The following RUFY3 variants were observed in gnomAD, a reference collection of about 807,000 sequenced individuals.
RUFY3 encodes the protein RUN and FYVE domain containing 3.
Under a neutral mutation model 84.0 loss-of-function variants are expected in RUFY3, and 34 were observed. The ratio of observed to expected loss-of-function variants is 0.40; its 90% CI spans 0.31 to 0.54. The LOEUF (loss-of-function observed/expected upper bound fraction) is 0.54, where lower values mean the gene tolerates loss of function less well. Among genes scored for constraint, RUFY3 ranks in the 20% least tolerant of loss-of-function variants. The pLI, the probability that RUFY3 is intolerant of heterozygous loss-of-function variation, is 0.39. For missense variants in RUFY3, 507 were observed against 736.8 expected, an observed-to-expected ratio of 0.69 and a Z score of 3.61; for synonymous variants, 242 against 252.9, an observed-to-expected ratio of 0.96 and a Z score of 0.41.
chr4:70,792,143 C>T (rs73827005), intron 12 of RUFY3: 19,207 of 984,438 alleles, frequency 0.02, 232 homozygotes, highest in Middle Eastern at 0.05. Flanking sequence ...AAAAATGATG[C>T]AGTACCCATT....
chr4:70,774,631 AAAAAAAAAAAAAAATATAT>A (rs1395545405), intron 6 of RUFY3, among the ~76,000 whole-genome samples: 2 of 122,338 alleles, frequency 1.6e-5, no homozygotes, highest in African/African-American at 7.3e-5. Context: ...AAAAAAAAAA[AAAAAAAAAAAAAAATATAT>A]ATATATATAT....
At chr4:70,802,810 T>C in intron 15 of RUFY3, 146 bp from the exon 16 acceptor site, 1 of 514,876 alleles carries the variant, frequency 1.9e-6, no homozygotes, top group Non-Finnish European at 3.4e-6. Context: ...TCAAAATTAA[T>C]AATTATGTTG....
At chr4:70,761,223 A>G (rs1724984019) in intron 1 of RUFY3, among the ~76,000 whole-genome samples, 2 of 152,214 alleles carry the variant, frequency 1.3e-5, no homozygotes, top group South Asian at 2.1e-4. Flanking sequence ...CTTTCACGTC[A>G]GATCCAGGTC....
intron 5 of RUFY3, among the ~76,000 whole-genome samples, chr4:70,772,735 A>C (rs1727177276): frequency 6.6e-6 from 1 of 151,778 alleles, no homozygotes; most frequent in Admixed American, 6.6e-5. Context: ...ATCCTGGCTT[A>C]CCGCAACCTC....
intron 1 of RUFY3, among the ~76,000 whole-genome samples, chr4:70,731,447 A>G (rs1455385764): frequency 6.6e-6 from 1 of 152,232 alleles, no homozygotes; most frequent in Admixed American, 6.5e-5. Context: ...ATAATCGTGC[A>G]TATACTACCA....
In RUFY3 at chr4:70,775,186, A is replaced by C. The variant is rs140646883; in HGVS notation, c.777A>C (p.Ala259=). The change falls in exon 7 of 18, where the codon GCA becomes GCC. Residue 259 remains alanine, a synonymous_variant. Transcript: ENST00000381006. ...KGTEGDGQIT[A]ILDQKNYVEE... ...CCCCCAGAGACGGTCAGATTACTGC[A>C]ATTCTGGACCAGAAGAACTATGTAG... is the stretch of plus-strand genomic sequence containing the variant. 128 of 1,601,562 alleles carry C rather than the reference A, an allele frequency of 8.0e-5. No individual in the cohort carries two copies. The highest frequency in any genetic ancestry group is 9.0e-5 in the Non-Finnish European group (105 of 1,171,852).
In RUFY3 at chr4:70,802,416, C is replaced by T. The variant is rs576979585; in HGVS notation, c.1623-540C>T. On this transcript the variant is annotated intron_variant, in intron 15 of 17. Transcript: ENST00000381006. Reference sequence around the variant, plus strand: ...TAGGCTCTAGTCCATGCTGGAACATCGGAGTTAGCTCAGCTTAGTCCCTCA... The same window carrying T: ...TAGGCTCTAGTCCATGCTGGAACATTGGAGTTAGCTCAGCTTAGTCCCTCA... Among the ~76,000 whole-genome samples, 107 of 152,324 alleles carry T rather than the reference C, an allele frequency of 7.0e-4. 1 individual carries two copies. The highest frequency in any genetic ancestry group is 1.4e-3 in the South Asian group (7 of 4,830).
intron 1 of RUFY3, among the ~76,000 whole-genome samples, chr4:70,730,174 CG>C (rs1719010420): frequency 6.6e-6 from 1 of 151,866 alleles, no homozygotes; most frequent in East Asian, 1.9e-4. Flanking sequence ...GAACCTGCCT[CG>C]GCCTCCCAAA....
intron 1 of RUFY3, among the ~76,000 whole-genome samples, chr4:70,723,754 G>A (rs1362744797): frequency 2.0e-5 from 3 of 152,170 alleles, no homozygotes; most frequent in Non-Finnish European, 4.4e-5. Context: ...CTGATAGTTA[G>A]GCACATCGAC....
At chr4:70,760,459 C>T (rs1013662960) in intron 1 of RUFY3, among the ~76,000 whole-genome samples, 1 of 152,020 alleles carries the variant, frequency 6.6e-6, no homozygotes, top group African/African-American at 2.4e-5. Context: ...AGGCAGTTAT[C>T]TAGTACCAAC....
chr4:70,742,343 G>T (rs1721444618), intron 1 of RUFY3, among the ~76,000 whole-genome samples: 1 of 152,122 alleles, frequency 6.6e-6, no homozygotes, highest in Non-Finnish European at 1.5e-5. Context: ...ATTGAGATTT[G>T]AATCTACTTT....
intron 1 of RUFY3, among the ~76,000 whole-genome samples, chr4:70,760,754 T>C (rs1372753783): frequency 6.6e-6 from 1 of 152,180 alleles, no homozygotes; most frequent in African/African-American, 2.4e-5. Flanking sequence ...ACATTTAAAC[T>C]ATGGCCCTAA....
intron 15 of RUFY3, among the ~76,000 whole-genome samples, chr4:70,801,186 T>C (rs1427742554): frequency 2.1e-5 from 3 of 144,416 alleles, no homozygotes; most frequent in Admixed American, 1.4e-4. Flanking sequence ...AAAAAATCAG[T>C]GGTTGCCAGT....
intron 17 of RUFY3, among the ~76,000 whole-genome samples, chr4:70,805,858 C>G (rs1397415165): frequency 6.6e-6 from 1 of 152,168 alleles, no homozygotes; most frequent in Non-Finnish European, 1.5e-5. Flanking sequence ...ATATAGGACC[C>G]TTGGAGCTTT....
At chr4:70,720,968 C>T (rs543706850), upstream of RUFY3, among the ~76,000 whole-genome samples, 11 of 149,160 alleles carry the variant, frequency 7.4e-5, no homozygotes, top group African/African-American at 2.5e-4. Flanking sequence ...AGTATCTTAT[C>T]GAATGGGAGG....
intron 10 of RUFY3, among the ~76,000 whole-genome samples, chr4:70,787,033 G>A (rs1222644101): frequency 2.0e-5 from 3 of 151,200 alleles, no homozygotes; most frequent in Non-Finnish European, 1.5e-5. Flanking sequence ...AACCATGCTT[G>A]ATAGTACATG....
At chr4:70,704,968 G>A in exon 1 of RUFY3, 1 of 1,229,120 alleles carries the variant, frequency 8.1e-7, no homozygotes, top group Non-Finnish European at 1.0e-6. Flanking sequence ...CCCACCGCTG[G>A]TGCCGAAAGT....
chr4:70,776,705 G>A (rs527339412), intron 7 of RUFY3, among the ~76,000 whole-genome samples: 82 of 152,330 alleles, frequency 5.4e-4, no homozygotes, highest in Non-Finnish European at 8.1e-4. Flanking sequence ...GAACCCGGGA[G>A]GCAGAGCTTA....
chr4:70,755,453 A>G (rs1356764687), intron 1 of RUFY3, among the ~76,000 whole-genome samples: 1 of 152,248 alleles, frequency 6.6e-6, no homozygotes, highest in Non-Finnish European at 1.5e-5. Context: ...TCATTGCATT[A>G]TAAGAAGATA....
Sources: allele counts gnomAD v4.1 joint callset (sites outside exome capture counted in the v4.1 genomes callset), GRCh38; gene constraint gnomAD v4.1.1; transcripts MANE v1.5; gene names NCBI Gene and HGNC (gene_info 2026-07-23, HGNC 2026-07-21).